Variants in ROBO2 observed in about 807,000 individuals in gnomAD.
ROBO2 encodes roundabout homolog 2.
Under a neutral mutation model 160.8 loss-of-function variants are expected in ROBO2, and 53 were observed. That is an observed-to-expected ratio of 0.33 (90% CI 0.26 to 0.41). The LOEUF is 0.41. ROBO2 is among the 10% of genes least tolerant of loss of function. The pLI is 1.00. For synonymous variants in ROBO2, 664 were observed against 611.7 expected, an observed-to-expected ratio of 1.09 and a Z score of -1.26; for missense variants, 1,577 against 1,722.4, an observed-to-expected ratio of 0.92 and a Z score of 1.49.
chr3:76,689,741 T>A (rs1412714612), intron 2 of ROBO2, among the ~76,000 whole-genome samples: 1 of 152,146 alleles, frequency 6.6e-6, no homozygotes, highest in Non-Finnish European at 1.5e-5. Context: ...CATAGGCATT[T>A]CTCCTTTTCT....
intron 2 of ROBO2, among the ~76,000 whole-genome samples, chr3:77,015,343 AT>A (rs1488006624): frequency 6.6e-6 from 1 of 152,170 alleles, no homozygotes; most frequent in Non-Finnish European, 1.5e-5. Context: ...CACGAATGGG[AT>A]TTATGGGAGG....
intron 2 of ROBO2, among the ~76,000 whole-genome samples, chr3:77,315,192 G>T (rs987095423): frequency 6.6e-6 from 1 of 152,044 alleles, no homozygotes; most frequent in Non-Finnish European, 1.5e-5. Context: ...ACTACACAAA[G>T]GTCTTATTTG....
At chr3:77,320,387 T>C (rs1325237946) in intron 2 of ROBO2, among the ~76,000 whole-genome samples, 1 of 152,130 alleles carries the variant, frequency 6.6e-6, no homozygotes. Flanking sequence ...GGAATGACAG[T>C]GATTGTGACA....
At chr3:77,477,514 C>T (rs1297368206) in exon 3 of ROBO2, 5 of 1,613,832 alleles carry the variant, frequency 3.1e-6, no homozygotes, top group Non-Finnish European at 4.2e-6. Flanking sequence ...ACCCAGAACC[C>T]ACCATCTACT....
intron 21 of ROBO2, among the ~76,000 whole-genome samples, chr3:77,616,462 C>G (rs756030220): frequency 2.0e-5 from 3 of 151,460 alleles, no homozygotes. Context: ...TTCTGTTGCA[C>G]GTGTTTAACA....
intron 2 of ROBO2, among the ~76,000 whole-genome samples, chr3:77,316,568 T>G (rs139201841): frequency 6.6e-6 from 1 of 152,190 alleles, no homozygotes. Context: ...GGATCTTTTT[T>G]GGAAATGGGT....
At chr3:76,292,246 C>T (rs1456597357) in intron 2 of ROBO2, among the ~76,000 whole-genome samples, 6 of 152,232 alleles carry the variant, frequency 3.9e-5, no homozygotes, top group African/African-American at 1.2e-4. Flanking sequence ...GTCTGCTGTG[C>T]TAAATTTAAA....
intron 2 of ROBO2, among the ~76,000 whole-genome samples, chr3:77,162,996 A>AT (rs66968364): frequency 5.4e-4 from 81 of 149,130 alleles, no homozygotes; most frequent in East Asian, 1.6e-3. Context: ...TGCCCAGCTA[A>AT]TTTTTTTTTT....
intron 2 of ROBO2, among the ~76,000 whole-genome samples, chr3:76,390,449 T>C (rs570609851): frequency 2.2e-4 from 34 of 152,286 alleles, no homozygotes; most frequent in African/African-American, 7.5e-4. Flanking sequence ...TGATAAGACA[T>C]ACATTAAAGA....
At chr3:76,132,825 G>A (rs1196244038) in intron 2 of ROBO2, among the ~76,000 whole-genome samples, 1 of 152,046 alleles carries the variant, frequency 6.6e-6, no homozygotes, top group African/African-American at 2.4e-5. Flanking sequence ...GAAGAGACAA[G>A]GTTAGAAAAA....
At chr3:76,062,948 C>T (rs902836953) in intron 2 of ROBO2, among the ~76,000 whole-genome samples, 1 of 152,076 alleles carries the variant, frequency 6.6e-6, no homozygotes, top group Non-Finnish European at 1.5e-5. Flanking sequence ...TAATATTTGT[C>T]TATGTCATAT....
intron 2 of ROBO2, among the ~76,000 whole-genome samples, chr3:76,879,997 C>G (rs1374868493): frequency 1.3e-5 from 2 of 152,074 alleles, no homozygotes; most frequent in Non-Finnish European, 1.5e-5. Flanking sequence ...AAGTAGTTCT[C>G]AGAGTAATGA....
intron 19 of ROBO2, among the ~76,000 whole-genome samples, chr3:77,598,541 A>ATATATATC (rs1439029410): frequency 6.7e-6 from 1 of 148,448 alleles, no homozygotes; most frequent in Non-Finnish European, 1.5e-5. Flanking sequence ...ATATATATAT[A>ATATATATC]TCCCAAAGCT....
chr3:76,968,249 A>G (rs1415189301), intron 2 of ROBO2, among the ~76,000 whole-genome samples: 1 of 152,184 alleles, frequency 6.6e-6, no homozygotes, highest in Non-Finnish European at 1.5e-5. Flanking sequence ...TGTTTTATAG[A>G]TTAGTCTTGC....
chr3:77,044,165 G>T (rs2149638580), intron 1 of ROBO2, among the ~76,000 whole-genome samples: 1 of 149,060 alleles, frequency 6.7e-6, no homozygotes, highest in East Asian at 1.9e-4. Flanking sequence ...CAAAAATATT[G>T]TAAAAAAAAA....
chr3:76,650,993 C>T (rs2091229759), intron 2 of ROBO2, among the ~76,000 whole-genome samples: 1 of 152,100 alleles, frequency 6.6e-6, no homozygotes, highest in Non-Finnish European at 1.5e-5. Flanking sequence ...TCCACCATTA[C>T]AAAGTCTAAA....
intron 2 of ROBO2, among the ~76,000 whole-genome samples, chr3:75,952,104 A>G (rs1559779076): frequency 6.6e-6 from 1 of 152,022 alleles, no homozygotes; most frequent in Non-Finnish European, 1.5e-5. Flanking sequence ...CAGTAAGTCC[A>G]CTGGGTCCAG....
chr3:77,100,295 A>T (rs191262871), intron 2 of ROBO2, among the ~76,000 whole-genome samples: 3 of 152,240 alleles, frequency 2.0e-5, no homozygotes, highest in Admixed American at 1.3e-4. Context: ...GAGTGAATAA[A>T]ATCCCTTTTT....
Position 77,528,646 on chromosome 3 carries a change from C to T in ROBO2, c.934+5744C>T, listed in dbSNP as rs1431312059. Among the ~76,000 whole-genome samples, 4 of 151,584 alleles carry T rather than the reference C, an allele frequency of 2.6e-5. No individual in the cohort carries two copies. In the East Asian group the frequency reaches 7.8e-4, roughly 29 times the overall value. On this transcript the variant is annotated intron_variant, in intron 6 of 25. Coordinates refer to ENST00000461745, the Ensembl canonical transcript of ROBO2. ...TAATACTGACTTATCAAAGCTGTTGCAGGAGGGGACTGAGTTTAAGATTGA... is the reference window on the plus strand; with the variant it reads ...TAATACTGACTTATCAAAGCTGTTGTAGGAGGGGACTGAGTTTAAGATTGA...
Sources: allele counts gnomAD v4.1 joint callset (sites outside exome capture counted in the v4.1 genomes callset), GRCh38; gene constraint gnomAD v4.1.1; transcripts MANE v1.5; gene names NCBI Gene and HGNC (gene_info 2026-07-23, HGNC 2026-07-21).